STPG2: variants seen among roughly 807,000 people sequenced by gnomAD.
STPG2 encodes the protein sperm-tail PG-rich repeat-containing protein 2.
In STPG2, 56 loss-of-function variants were observed where a neutral mutation model predicts 54.2. The ratio of observed to expected loss-of-function variants is 1.03; its 90% CI spans 0.83 to 1.29. STPG2 has a LOEUF of 1.29. Ranked by LOEUF, STPG2 falls within the 50% of genes most tolerant of loss-of-function variation. STPG2 has a pLI of 0.00. For missense variants in STPG2, 596 were observed against 544.9 expected (o/e 1.09, Z -0.93); for synonymous variants, 200 against 181.8 (o/e 1.10, Z -0.81).
intron 4 of STPG2, among the ~76,000 whole-genome samples, chr4:97,529,210 G>A (rs575828814): frequency 1.4e-4 from 22 of 152,010 alleles, no homozygotes; most frequent in Non-Finnish European, 2.7e-4. Flanking sequence ...GAATTTTATC[G>A]AATGCCTTTT....
chr4:97,924,333 C>T (rs1337908562), intron 8 of STPG2, among the ~76,000 whole-genome samples: 3 of 152,176 alleles, frequency 2.0e-5, no homozygotes, highest in Admixed American at 6.5e-5. Context: ...ACATTTTAAA[C>T]ATATGTGATG....
chr4:97,972,006 C>T (rs1173858071), intron 7 of STPG2, among the ~76,000 whole-genome samples: 1 of 152,032 alleles, frequency 6.6e-6, no homozygotes, highest in East Asian at 1.9e-4. Context: ...TGTGCCTTCA[C>T]CTTTCTGATC....
At chr4:97,852,587 G>A (rs1301454713) in intron 8 of STPG2, among the ~76,000 whole-genome samples, 4 of 152,146 alleles carry the variant, frequency 2.6e-5, no homozygotes, top group African/African-American at 4.8e-5. Context: ...AAGGGTAATG[G>A]TGGGCAGGAT....
intron 5 of STPG2, among the ~76,000 whole-genome samples, chr4:98,100,515 G>T (rs1422927799): frequency 2.0e-5 from 3 of 151,888 alleles, no homozygotes; most frequent in Non-Finnish European, 4.4e-5. Context: ...CAATTTCAAG[G>T]ACTTACTACC....
rs1732148047 is a variant in STPG2, at chr4:97,558,928, G to A, written c.*130C>T. ...TTGTGTCATATAGTCACTAAAGCCT[G>A]AGCGAATGCCTGAACAAGTGAAAAT... On this transcript the variant is annotated 3_prime_UTR_variant, in exon 11 of 11. Transcript: ENST00000295268. 3 of 745,248 alleles carry A rather than the reference G, an allele frequency of 4.0e-6. No homozygotes were observed. Among genetic ancestry groups the A allele is most frequent in the African/African-American group, 1.8e-5 (1 of 55,888 alleles). 46.2% of individuals were successfully genotyped at this position (745,248 alleles called of 1,614,324 possible). A position where few individuals can be genotyped will look rare whatever the true frequency, so the allele number is the denominator to read the frequency against.
chr4:97,506,870 G>A (rs1182707195), intron 4 of STPG2, among the ~76,000 whole-genome samples: 1 of 151,920 alleles, frequency 6.6e-6, no homozygotes, highest in Non-Finnish European at 1.5e-5. Context: ...AGACAAAACA[G>A]ATGGAGCAAT....
intron 10 of STPG2, among the ~76,000 whole-genome samples, chr4:97,606,335 C>A (rs1355044): frequency 0.64 from 96,979 of 151,702 alleles, 31,365 homozygotes; most frequent in African/African-American, 0.73. Context: ...CTGAATATGA[C>A]TATAACCATG....
intron 5 of STPG2, among the ~76,000 whole-genome samples, chr4:98,000,509 C>G (rs1461577647): frequency 2.6e-5 from 4 of 152,048 alleles, no homozygotes; most frequent in Non-Finnish European, 4.4e-5. Context: ...ATAAATTTGA[C>G]TTGAAACTGT....
chr4:97,805,037 A>G (rs748478982), intron 9 of STPG2, among the ~76,000 whole-genome samples: 1 of 152,142 alleles, frequency 6.6e-6, no homozygotes, highest in Non-Finnish European at 1.5e-5. Context: ...CTCAGAGCAT[A>G]TTTCCATCAC....
chr4:97,512,919 GTTCAA>G (rs1168658431), intron 4 of STPG2, among the ~76,000 whole-genome samples: 2 of 152,036 alleles, frequency 1.3e-5, no homozygotes, highest in East Asian at 1.9e-4. Flanking sequence ...ATGTCTTCTA[GTTCAA>G]TTCAATTCTG....
chr4:97,874,108 G>C (rs1354858283), intron 8 of STPG2, among the ~76,000 whole-genome samples: 1 of 151,342 alleles, frequency 6.6e-6, no homozygotes, highest in Non-Finnish European at 1.5e-5. Context: ...AAATAGTAAA[G>C]GCAGATATCA....
At chr4:97,776,349 G>C (rs991731671) in intron 9 of STPG2, among the ~76,000 whole-genome samples, 6 of 152,122 alleles carry the variant, frequency 3.9e-5, no homozygotes, top group Admixed American at 3.9e-4. Flanking sequence ...CAACCAATAA[G>C]TAACAAAGCT....
At chr4:97,860,475 T>TTATTG (rs1431217927) in intron 8 of STPG2, among the ~76,000 whole-genome samples, 2 of 71,476 alleles carry the variant, frequency 2.8e-5, no homozygotes, top group Non-Finnish European at 4.9e-5. Flanking sequence ...AAGTTTTATT[T>TTATTG]TATTTTATTT....
intron 5 of STPG2, among the ~76,000 whole-genome samples, chr4:98,012,512 T>C (rs1212496001): frequency 6.6e-6 from 1 of 152,216 alleles, no homozygotes; most frequent in Non-Finnish European, 1.5e-5. Context: ...TTGATGGGGA[T>C]AGCACTGAAT....
At chr4:98,134,481 AC>A in intron 1 of STPG2, 22 bp from the exon 2 acceptor site, 3 of 1,449,766 alleles carry the variant, frequency 2.1e-6, no homozygotes, top group South Asian at 1.3e-5. Flanking sequence ...AAATCATATG[AC>A]CAGCAGATAA....
At chr4:98,084,838 A>G (rs1738458354) in intron 5 of STPG2, among the ~76,000 whole-genome samples, 1 of 152,070 alleles carries the variant, frequency 6.6e-6, no homozygotes, top group Non-Finnish European at 1.5e-5. Context: ...AGAATTCTTT[A>G]TTATTCTAGA....
intron 5 of STPG2, among the ~76,000 whole-genome samples, chr4:98,054,365 G>T (rs1343998524): frequency 2.0e-5 from 3 of 152,052 alleles, no homozygotes; most frequent in Admixed American, 2.0e-4. Context: ...GAGGACAGTT[G>T]TTCTTCAAAA....
At chr4:97,680,960 A>C (rs1723014252) in intron 10 of STPG2, among the ~76,000 whole-genome samples, 1 of 151,968 alleles carries the variant, frequency 6.6e-6, no homozygotes. Context: ...TTACCATATA[A>C]AGTTCTAATT....
intron 5 of STPG2, among the ~76,000 whole-genome samples, chr4:98,021,094 C>G (rs1335135424): frequency 7.9e-5 from 12 of 151,876 alleles, no homozygotes; most frequent in Non-Finnish European, 1.8e-4. Context: ...TTTTCTAGTT[C>G]TTTTAATTAT....
Sources: allele counts gnomAD v4.1 joint callset (sites outside exome capture counted in the v4.1 genomes callset), GRCh38; gene constraint gnomAD v4.1.1; transcripts MANE v1.5; gene names NCBI Gene and HGNC (gene_info 2026-07-23, HGNC 2026-07-21).